Variants in ATRNL1 observed in about 807,000 individuals in gnomAD.
ATRNL1 encodes attractin like 1, also known as attractin-like protein 1.
A neutral mutation model predicts 182.7 loss-of-function variants in ATRNL1; 95 were observed. That is an observed-to-expected ratio of 0.52 (90% CI 0.44 to 0.62). The LOEUF is 0.62. Ranked by LOEUF, ATRNL1 falls within the 20% of genes least tolerant of loss-of-function variation. The probability of loss-of-function intolerance (pLI) is 0.00; values close to 1 mark genes in which losing one functional copy is unlikely to be tolerated. For missense variants in ATRNL1, 1,471 were observed against 1,679.5 expected, an observed-to-expected ratio of 0.88 and a Z score of 2.17; for synonymous variants, 576 against 568.3, an observed-to-expected ratio of 1.01 and a Z score of -0.19.
intron 24 of ATRNL1, among the ~76,000 whole-genome samples, chr10:115,478,405 T>G (rs2134601618): frequency 6.6e-6 from 1 of 151,820 alleles, no homozygotes; most frequent in Non-Finnish European, 1.5e-5. Context: ...GTTTTTCTAG[T>G]TACTGTTAGC....
At chr10:115,494,928 T>A (rs1849471269) in intron 24 of ATRNL1, among the ~76,000 whole-genome samples, 1 of 152,182 alleles carries the variant, frequency 6.6e-6, no homozygotes, top group South Asian at 2.1e-4. Flanking sequence ...CAGCTCTTTA[T>A]ACAAATGATA....
At chr10:115,715,780 A>T (rs1431887835) in intron 26 of ATRNL1, among the ~76,000 whole-genome samples, 2 of 152,246 alleles carry the variant, frequency 1.3e-5, no homozygotes, top group African/African-American at 4.8e-5. Context: ...TAAGTAAAGA[A>T]GACTTGTCTT....
At chr10:115,623,062 T>A (rs916966572) in intron 26 of ATRNL1, among the ~76,000 whole-genome samples, 2 of 152,172 alleles carry the variant, frequency 1.3e-5, no homozygotes, top group African/African-American at 4.8e-5. Flanking sequence ...TTTTTAAAAA[T>A]GGCAAAATTT....
intron 21 of ATRNL1, among the ~76,000 whole-genome samples, chr10:115,454,648 C>A (rs569715689): frequency 1.3e-5 from 2 of 151,920 alleles, no homozygotes; most frequent in East Asian, 3.9e-4. Flanking sequence ...TATTTTATTT[C>A]TTTTGATGCC....
intron 26 of ATRNL1, among the ~76,000 whole-genome samples, chr10:115,614,356 G>A (rs563114249): frequency 6.6e-6 from 1 of 151,868 alleles, no homozygotes; most frequent in South Asian, 2.1e-4. Context: ...TTTGTTTCTA[G>A]TTTTACTCCT....
chr10:115,359,520 A>G (rs1856642025), intron 19 of ATRNL1, among the ~76,000 whole-genome samples: 1 of 151,578 alleles, frequency 6.6e-6, no homozygotes, highest in Non-Finnish European at 1.5e-5. Flanking sequence ...TTGGGCCAAC[A>G]GTGAAATAAC....
intron 9 of ATRNL1, among the ~76,000 whole-genome samples, chr10:115,230,489 G>A (rs1554899695): frequency 6.6e-6 from 1 of 152,114 alleles, no homozygotes. Context: ...TAGTGTAGTC[G>A]AATGTCTTGG....
At chr10:115,745,267 A>G (rs1185933394) in intron 27 of ATRNL1, among the ~76,000 whole-genome samples, 2 of 151,946 alleles carry the variant, frequency 1.3e-5, no homozygotes, top group Non-Finnish European at 2.9e-5. Flanking sequence ...TTCACTTAGC[A>G]CAATACTTTC....
chr10:115,822,557 G>T (rs1950328838), intron 27 of ATRNL1, among the ~76,000 whole-genome samples: 1 of 151,244 alleles, frequency 6.6e-6, no homozygotes, highest in African/African-American at 2.4e-5. Context: ...GAAGAAAGGA[G>T]AGAAGAATCA....
At chr10:115,593,678 C>T (rs1483654094) in intron 26 of ATRNL1, among the ~76,000 whole-genome samples, 2 of 152,124 alleles carry the variant, frequency 1.3e-5, no homozygotes, top group Admixed American at 6.6e-5. Context: ...AAAACTATAT[C>T]ATAAACATTC....
intron 28 of ATRNL1, among the ~76,000 whole-genome samples, chr10:115,874,213 C>A (rs2134423495): frequency 6.6e-6 from 1 of 152,246 alleles, no homozygotes; most frequent in African/African-American, 2.4e-5. Context: ...CTATGGCTTT[C>A]TTAGAAAGCA....
intron 26 of ATRNL1, among the ~76,000 whole-genome samples, chr10:115,650,639 G>T (rs539858435): frequency 6.6e-6 from 1 of 152,138 alleles, no homozygotes; most frequent in South Asian, 2.1e-4. Flanking sequence ...AGAGGAAGGG[G>T]ATTGGATCTG....
chr10:115,093,918 G>A lies in ATRNL1; in HGVS notation c.168G>A (p.Gln56=), dbSNP rs1554862391. The part of the protein sequence containing the change: ...YGFLYLALYA[Q]VSQSKPCERT... Reference sequence around the variant, plus strand: ...TCCTCTACCTGGCGCTCTACGCGCAGGTGTCCCAGTCCAAGCCGTGCGAGA... The same window carrying A: ...TCCTCTACCTGGCGCTCTACGCGCAAGTGTCCCAGTCCAAGCCGTGCGAGA... The change falls in exon 1 of 29, where the codon CAG becomes CAA. Residue 56 remains glutamine (Q), a synonymous_variant. Coordinates refer to ENST00000355044, the MANE Select transcript of ATRNL1 (RefSeq NM_207303.4). This position sits in a 1 kb window ranked among gnomAD's most constrained non-coding sequence, Gnocchi z 6.1. 1 of 1,597,280 alleles carries A rather than the reference G, an allele frequency of 6.3e-7. No individual in the cohort carries two copies. The highest frequency in any genetic ancestry group is 1.1e-5 in the South Asian group (1 of 88,746).
intron 26 of ATRNL1, among the ~76,000 whole-genome samples, chr10:115,614,473 T>A (rs1288431334): frequency 6.6e-6 from 1 of 152,214 alleles, no homozygotes; most frequent in African/African-American, 2.4e-5. Context: ...GAACATTTCA[T>A]ATGCTGAAGA....
At chr10:115,282,980 C>G (rs192611038) in intron 14 of ATRNL1, among the ~76,000 whole-genome samples, 1 of 151,820 alleles carries the variant, frequency 6.6e-6, no homozygotes, top group Non-Finnish European at 1.5e-5. Flanking sequence ...TAGCCCCCTA[C>G]CCCCACTTTT....
rs147852813 is a variant in ATRNL1 at position 115,678,717 on chromosome 10, G to T, written c.3796-48531G>T. Among the ~76,000 whole-genome samples, 674 of 152,182 alleles carry T rather than the reference G, an allele frequency of 4.4e-3. 3 individuals are homozygous for T. The highest frequency in any genetic ancestry group is 0.01 in the African/African-American group (417 of 41,546). The stretch of plus-strand genomic sequence containing the variant: ...AGTCAAATGCTGTAAGTGCATGTAG[G>T]TTATTTATATCATTTCTGTCACTAA... On this transcript the variant is annotated intron_variant, in intron 26 of 28. Transcript: ENST00000355044.
chr10:115,338,988 C>T (rs1177011525), intron 19 of ATRNL1, among the ~76,000 whole-genome samples: 1 of 152,172 alleles, frequency 6.6e-6, no homozygotes, highest in East Asian at 1.9e-4. Flanking sequence ...TGTCTTTTCC[C>T]CAGTATATGT....
intron 20 of ATRNL1, among the ~76,000 whole-genome samples, chr10:115,416,590 T>C (rs1259340891): frequency 6.6e-6 from 1 of 152,188 alleles, no homozygotes; most frequent in Non-Finnish European, 1.5e-5. Context: ...TTTTCTGTGC[T>C]TGACTATTGA....
chr10:115,817,664 T>G, intron 27 of ATRNL1, among the ~76,000 whole-genome samples: 1 of 152,060 alleles, frequency 6.6e-6, no homozygotes, highest in East Asian at 1.9e-4. Flanking sequence ...GTTTCACTAG[T>G]AAAAATAAAT....
Sources: allele counts gnomAD v4.1 joint callset (sites outside exome capture counted in the v4.1 genomes callset), GRCh38; gene constraint gnomAD v4.1.1; non-coding constraint Gnocchi (gnomAD v3.1); transcripts MANE v1.5; gene names NCBI Gene and HGNC (gene_info 2026-07-23, HGNC 2026-07-21).